Variants in FAM204A observed in about 807,000 individuals in gnomAD.
The protein encoded by FAM204A is family with sequence similarity 204 member A.
Under a neutral mutation model 35.4 loss-of-function variants are expected in FAM204A, and 16 were observed. The ratio of observed to expected loss-of-function variants is 0.45; its 90% confidence interval spans 0.31 to 0.69. The LOEUF is 0.69. Ranked by LOEUF, FAM204A falls within the 30% of genes least tolerant of loss-of-function variation. The pLI, the probability that FAM204A is intolerant of heterozygous loss-of-function variation, is 0.07. For missense variants in FAM204A, 240 were observed against 265.7 expected, an observed-to-expected ratio of 0.90 and a Z score of 0.67; for synonymous variants, 76 against 86.9, an observed-to-expected ratio of 0.88 and a Z score of 0.70.
intron 3 of FAM204A, 53 bp downstream of exon 3, chr10:118,336,127 CAG>C: frequency 6.4e-7 from 1 of 1,574,552 alleles, no homozygotes; most frequent in Non-Finnish European, 8.6e-7. Context: ...CAGAGACACA[CAG>C]AGGCATGTGC....
In FAM204A at chr10:118,298,236, A is replaced by C. The variant is rs1845771023; in HGVS notation, c.*12621T>G. On this transcript the variant is annotated 3_prime_UTR_variant, in exon 9 of 9. Coordinates refer to ENST00000369183, the MANE Select transcript of FAM204A (RefSeq NM_022063.3). Reference sequence around the variant, plus strand: ...AATCTCTTCCTAGACAGGCCCCCTGAGCCAGACAGGAAATCCACTGGTATT... The same window carrying C: ...AATCTCTTCCTAGACAGGCCCCCTGCGCCAGACAGGAAATCCACTGGTATT... The C allele has an allele frequency of 6.6e-6, 1 of 152,212 alleles. No homozygotes were observed. The highest frequency in any genetic ancestry group is 2.4e-5 in the African/African-American group (1 of 41,456). 9.4% of individuals were successfully genotyped at this position (152,212 alleles called of 1,614,324 possible).
In FAM204A at chr10:118,303,808, CTCAAAAAG is replaced by C. The variant is rs961538590; in HGVS notation, c.*7041_*7048del. 1 of 115,218 alleles carries C rather than the reference CTCAAAAAG, an allele frequency of 8.7e-6. No homozygotes were observed. Among genetic ancestry groups the C allele is most frequent in the Admixed American group, 9.6e-5 (1 of 10,396 alleles). 7.1% of individuals were successfully genotyped at this position (115,218 alleles called of 1,614,324 possible). On this transcript the variant is annotated 3_prime_UTR_variant, in exon 9 of 9. Coordinates refer to ENST00000369183, the MANE Select transcript of FAM204A (RefSeq NM_022063.3). ...GCCTGGCGACAGAGCAAGACTCCGT[CTCAAAAAG>C]AAAAAAAGAAAAAAAACAGCTCCTT...
At chr10:118,311,060 C>T in intron 8 of FAM204A, 147 bp downstream of exon 8, 2 of 1,021,206 alleles carry the variant, frequency 2.0e-6, no homozygotes, top group East Asian at 2.5e-5. Flanking sequence ...TGAAGAAATG[C>T]CTCTATATTT....
At chr10:118,332,037 G>A (rs1414490051) in intron 6 of FAM204A, among the ~76,000 whole-genome samples, 2 of 151,128 alleles carry the variant, frequency 1.3e-5, no homozygotes, top group African/African-American at 4.9e-5. Context: ...AGCTGGGCAT[G>A]ATGGCGCACA....
At chr10:118,331,179 T>C (rs562694706) in intron 6 of FAM204A, among the ~76,000 whole-genome samples, 1 of 152,234 alleles carries the variant, frequency 6.6e-6, no homozygotes, top group South Asian at 2.1e-4. Flanking sequence ...TCTCATGAAA[T>C]AGAGTCTGAG....
intron 7 of FAM204A, chr10:118,322,414 G>C (rs1846132498): frequency 1.1e-5 from 5 of 455,630 alleles, no homozygotes; most frequent in South Asian, 1.6e-5. Context: ...TGATTTTCCT[G>C]CCAAAAATGC....
At chr10:118,320,184 T>G (rs1846090230) in intron 7 of FAM204A, among the ~76,000 whole-genome samples, 2 of 143,772 alleles carry the variant, frequency 1.4e-5, no homozygotes, top group East Asian at 2.2e-4. Context: ...AAGCAGTTAC[T>G]ACTTTAACAT....
chr10:118,317,565 GA>G (rs1002441013), intron 7 of FAM204A, among the ~76,000 whole-genome samples: 1 of 151,466 alleles, frequency 6.6e-6, no homozygotes, highest in Non-Finnish European at 1.5e-5. Context: ...AAACCTGAGA[GA>G]AAAAAAACCA....
intron 2 of FAM204A, among the ~76,000 whole-genome samples, chr10:118,338,200 C>A (rs1297150185): frequency 6.6e-6 from 1 of 152,024 alleles, no homozygotes; most frequent in Non-Finnish European, 1.5e-5. Context: ...AGCTCCAGGC[C>A]CCATAAAACC....
chr10:118,316,880 T>C (rs1214233568), intron 7 of FAM204A, among the ~76,000 whole-genome samples: 1 of 152,068 alleles, frequency 6.6e-6, no homozygotes, highest in Admixed American at 6.6e-5. Flanking sequence ...AGGGAGAAGA[T>C]GATGTTCTAC....
At chr10:118,316,101 C>G (rs1846025408) in intron 7 of FAM204A, among the ~76,000 whole-genome samples, 1 of 151,946 alleles carries the variant, frequency 6.6e-6, no homozygotes, top group South Asian at 2.1e-4. Flanking sequence ...AAAAAACAAG[C>G]AAAGAAATAG....
At chr10:118,338,006 T>C (rs1204411011) in intron 2 of FAM204A, among the ~76,000 whole-genome samples, 1 of 152,234 alleles carries the variant, frequency 6.6e-6, no homozygotes, top group Non-Finnish European at 1.5e-5. Flanking sequence ...GAAGTGTCTA[T>C]AACAAATGTT....
intron 8 of FAM204A, 95 bp from the exon 9 acceptor site, chr10:118,311,003 A>G (rs1845943699): frequency 2.4e-6 from 3 of 1,261,926 alleles, no homozygotes; most frequent in Middle Eastern, 2.0e-4. Flanking sequence ...AAACAAACAA[A>G]AATTTTTCAC....
chr10:118,317,901 A>T (rs1275138621), intron 7 of FAM204A, among the ~76,000 whole-genome samples: 1 of 152,024 alleles, frequency 6.6e-6, no homozygotes, highest in African/African-American at 2.4e-5. Context: ...AAGATGACCA[A>T]AGTTAATGAA....
chr10:118,329,016 T>A (rs1227181152), intron 6 of FAM204A, among the ~76,000 whole-genome samples: 1 of 152,212 alleles, frequency 6.6e-6, no homozygotes, highest in Admixed American at 6.5e-5. Flanking sequence ...AGCTACTTGC[T>A]AATCATCTTC....
intron 7 of FAM204A, among the ~76,000 whole-genome samples, chr10:118,321,702 C>A: frequency 1.1e-5 from 1 of 95,028 alleles, no homozygotes; most frequent in Admixed American, 1.7e-4. Flanking sequence ...ATTCCCATTT[C>A]TAAAACTGCA....
chr10:118,318,325 C>A (rs1846061824), intron 7 of FAM204A, among the ~76,000 whole-genome samples: 1 of 151,996 alleles, frequency 6.6e-6, no homozygotes, highest in Admixed American at 6.6e-5. Flanking sequence ...AAACAAAAAA[C>A]AACCATTTGC....
Position 118,302,787 on chromosome 10 carries a change from T to A in FAM204A, c.*8070A>T, listed in dbSNP as rs990965723. 9.8e-5 allele frequency: 15 copies of A among 152,378 alleles called. No individual in the cohort carries two copies. The highest frequency in any genetic ancestry group is 3.4e-4 in the African/African-American group (14 of 41,596). The allele number at this position is 152,378 out of a possible 1,614,324, so 9.4% of individuals were successfully genotyped here. On this transcript the variant is annotated 3_prime_UTR_variant, in exon 9 of 9. Transcript: ENST00000369183. ...CTCAGTATTTATACCACAAGGCACC[T>A]CCTTCCCTATGGTTTGTGATAAGAC...
Position 118,301,751 on chromosome 10 carries a change from A to G in FAM204A, c.*9106T>C, listed in dbSNP as rs777249938. The G allele has an allele frequency of 7.2e-5, 11 of 152,148 alleles. No individual in the cohort carries two copies. The highest frequency in any genetic ancestry group is 6.5e-5 in the Admixed American group (1 of 15,272). 9.4% of individuals were successfully genotyped at this position (152,148 alleles called of 1,614,324 possible). A position where few individuals can be genotyped will look rare whatever the true frequency, so the allele number is the denominator to read the frequency against. On this transcript the variant is annotated 3_prime_UTR_variant, in exon 9 of 9. Transcript: ENST00000369183. ...TAGTTCCTTTAATCCTCACATCTCT[A>G]TAAGATAGCTACTATTATTATCTCC... is the stretch of plus-strand genomic sequence containing the variant.
Sources: allele counts gnomAD v4.1 joint callset (sites outside exome capture counted in the v4.1 genomes callset), GRCh38; gene constraint gnomAD v4.1.1; transcripts MANE v1.5; gene names NCBI Gene and HGNC (gene_info 2026-07-23, HGNC 2026-07-21).